The following LARS2 variants were observed in gnomAD, a reference collection of about 807,000 sequenced individuals.
The protein encoded by LARS2 is leucine--tRNA ligase, mitochondrial.
Under a neutral mutation model 116.6 loss-of-function variants are expected in LARS2, and 81 were observed. That is an observed-to-expected ratio of 0.69 (90% confidence interval 0.58 to 0.84). LARS2 has a LOEUF of 0.84. Among genes scored for constraint, LARS2 ranks in the 40% least tolerant of loss-of-function variants. The pLI, the probability that LARS2 is intolerant of heterozygous loss-of-function variation, is 0.00. For missense variants in LARS2, 968 were observed against 1,114.5 expected (o/e 0.87, Z 1.87); for synonymous variants, 396 against 407.2 (o/e 0.97, Z 0.33).
chr3:45,422,622 G>A (rs1034868180), intron 6 of LARS2, among the ~76,000 whole-genome samples: 4 of 152,052 alleles, frequency 2.6e-5, no homozygotes, highest in South Asian at 4.2e-4. Flanking sequence ...AAGTTATTTC[G>A]TCCTATCATT....
intron 6 of LARS2, among the ~76,000 whole-genome samples, chr3:45,424,552 G>A (rs1698563077): frequency 6.6e-6 from 1 of 152,188 alleles, no homozygotes; most frequent in Non-Finnish European, 1.5e-5. Context: ...TTAATTACAT[G>A]TGTAGATTTG....
At chr3:45,406,832 A>G (rs1449802573) in intron 4 of LARS2, among the ~76,000 whole-genome samples, 1 of 152,220 alleles carries the variant, frequency 6.6e-6, no homozygotes, top group Non-Finnish European at 1.5e-5. Context: ...TGTACTGCCA[A>G]TCGGTTTCTT....
chr3:45,496,331 C>T lies in LARS2; in HGVS notation c.1580C>T (p.Ala527Val). 2 of 1,614,080 alleles carry T rather than the reference C, an allele frequency of 1.2e-6. No individual in the cohort carries two copies. Among genetic ancestry groups the T allele is most frequent in the Non-Finnish European group, 8.5e-7 (1 of 1,179,952 alleles). ...TDTMDTFVDS[A>V]WYYFRYTDPH... Reference sequence around the variant, plus strand: ...ACGATGGATACCTTTGTTGATTCTGCTTGGTACTACTTCAGATACACTGAC... The same window carrying T: ...ACGATGGATACCTTTGTTGATTCTGTTTGGTACTACTTCAGATACACTGAC... The change falls in exon 14 of 22, where the codon GCT (alanine) becomes GTT (valine). Residue 527 changes from alanine (A) to valine (V), a missense_variant. Transcript: ENST00000645846.
intron 15 of LARS2, among the ~76,000 whole-genome samples, chr3:45,500,963 C>T (rs1009244858): frequency 1.3e-5 from 2 of 151,722 alleles, no homozygotes; most frequent in Admixed American, 1.3e-4. Context: ...TGATGCATCC[C>T]TCTAAAAAAT....
chr3:45,502,198 C>T (rs994656403), intron 15 of LARS2, among the ~76,000 whole-genome samples: 35 of 151,986 alleles, frequency 2.3e-4, no homozygotes, highest in African/African-American at 8.2e-4. Context: ...TCTCTGTGAT[C>T]AAATCCCTGT....
chr3:45,501,670 C>T (rs1700124194), intron 15 of LARS2, among the ~76,000 whole-genome samples: 1 of 152,154 alleles, frequency 6.6e-6, no homozygotes, highest in Non-Finnish European at 1.5e-5. Flanking sequence ...ATATGCGTCA[C>T]CATTTCTTTA....
At chr3:45,436,682 T>C (rs1030225375) in intron 6 of LARS2, among the ~76,000 whole-genome samples, 26 of 151,494 alleles carry the variant, frequency 1.7e-4, no homozygotes, top group Non-Finnish European at 3.5e-4. Context: ...TAGTCCCAGC[T>C]ACTCGGGAGG....
intron 15 of LARS2, among the ~76,000 whole-genome samples, chr3:45,504,152 C>T (rs971511945): frequency 4.0e-5 from 6 of 151,876 alleles, no homozygotes; most frequent in African/African-American, 1.5e-4. Context: ...CCTATTCTTC[C>T]AATTACTATT....
chr3:45,501,893 T>A (rs1700128567), intron 15 of LARS2, among the ~76,000 whole-genome samples: 1 of 149,980 alleles, frequency 6.7e-6, no homozygotes. Flanking sequence ...TGGGTCACGT[T>A]GTGAGTTAAA....
At position 45,491,683 on chromosome 3, in the gene LARS2, C is replaced by T. The variant is rs1254099632; in HGVS notation, c.1406C>T (p.Pro469Leu). Residue 469 changes from proline to leucine, a missense_variant, in exon 13 of 22, where the codon CCC becomes CTC. By Grantham distance (98) the Pro-to-Leu change is moderately conservative. Transcript: ENST00000645846. ...IPIVHCPVCGPTPVPLEDLPV... is the reference protein window; with the variant it reads ...IPIVHCPVCGLTPVPLEDLPV... The stretch of plus-strand genomic sequence containing the variant: ...ATTGTCCACTGCCCAGTCTGTGGCC[C>T]CACACCTGTGCCCCTGGAGGACTTG... 1 of 1,614,108 alleles carries T rather than the reference C, an allele frequency of 6.2e-7. No homozygotes were observed. Among genetic ancestry groups the T allele is most frequent in the Non-Finnish European group, 8.5e-7 (1 of 1,180,028 alleles).
intron 4 of LARS2, among the ~76,000 whole-genome samples, chr3:45,411,265 A>G (rs1365897156): frequency 6.6e-6 from 1 of 152,198 alleles, no homozygotes; most frequent in Non-Finnish European, 1.5e-5. Flanking sequence ...CACACATTCA[A>G]TGACAAAGGC....
At chr3:45,469,930 C>A (rs1699492874) in intron 8 of LARS2, among the ~76,000 whole-genome samples, 1 of 152,052 alleles carries the variant, frequency 6.6e-6, no homozygotes, top group Admixed American at 6.6e-5. Flanking sequence ...TATAAGTATG[C>A]TAAGTGTCAA....
At chr3:45,503,087 T>C (rs748516909) in intron 15 of LARS2, among the ~76,000 whole-genome samples, 18 of 151,866 alleles carry the variant, frequency 1.2e-4, no homozygotes, top group Non-Finnish European at 2.2e-4. Context: ...TTGGAACCTC[T>C]CTGCTAGAGG....
Position 45,400,179 on chromosome 3 carries a change from A to G in LARS2, c.235-66A>G, listed in dbSNP as rs1470125634. 2.8e-6 allele frequency: 4 copies of G among 1,426,916 alleles called. No individual in the cohort carries two copies. In the African/African-American group the frequency reaches 4.3e-5, roughly 15 times the overall value. The allele number at this position is 1,426,916 out of a possible 1,614,324, so 88.4% of individuals were successfully genotyped here. A position where few individuals can be genotyped will look rare whatever the true frequency, so the allele number is the denominator to read the frequency against. ...TTATTACTTTGTGTAAAATGCCAAAATATTATGTATACATGCAGAGTTCCC... is the reference window on the plus strand; with the variant it reads ...TTATTACTTTGTGTAAAATGCCAAAGTATTATGTATACATGCAGAGTTCCC... On this transcript the variant is annotated intron_variant, in intron 3 of 21. Transcript: ENST00000645846.
intron 8 of LARS2, among the ~76,000 whole-genome samples, chr3:45,463,842 C>T (rs1417685469): frequency 6.6e-6 from 1 of 151,764 alleles, no homozygotes; most frequent in Non-Finnish European, 1.5e-5. Flanking sequence ...GCAGGGGAGA[C>T]GAGGAGGAGG....
chr3:45,450,796 A>G (rs1257370181), intron 7 of LARS2, among the ~76,000 whole-genome samples: 1 of 152,184 alleles, frequency 6.6e-6, no homozygotes, highest in Non-Finnish European at 1.5e-5. Flanking sequence ...GAACCACCTT[A>G]CTGTTTTTCA....
chr3:45,390,432 C>T (rs1167144493), intron 1 of LARS2, among the ~76,000 whole-genome samples: 2 of 151,340 alleles, frequency 1.3e-5, no homozygotes, highest in Non-Finnish European at 2.9e-5. Flanking sequence ...CCTGCCTCAG[C>T]CTTCCGAGTA....
At chr3:45,516,341 G>A in intron 17 of LARS2, 65 bp downstream of exon 17, 1 of 1,489,766 alleles carries the variant, frequency 6.7e-7, no homozygotes, top group Non-Finnish European at 9.2e-7. Flanking sequence ...GAAGGAGTTT[G>A]AGGAAGGAAA....
At chr3:45,456,941 G>C (rs531669519) in intron 7 of LARS2, among the ~76,000 whole-genome samples, 1 of 152,180 alleles carries the variant, frequency 6.6e-6, no homozygotes, top group Non-Finnish European at 1.5e-5. Flanking sequence ...GATCAGTCAG[G>C]GTCCCAGCAG....
Sources: gnomAD v4.1 joint callset for allele counts (sites outside exome capture counted in the v4.1 genomes callset) on GRCh38, gnomAD v4.1.1 for gene constraint, MANE v1.5 for transcripts, NCBI Gene and HGNC (gene_info 2026-07-23, HGNC 2026-07-21) for gene names.